TMEM204: variants seen among roughly 807,000 people sequenced by gnomAD.
TMEM204 encodes claudin-like protein 24.
In TMEM204, 15 loss-of-function variants were observed where a neutral mutation model predicts 19.4. The observed-to-expected ratio is 0.77, with a 90% CI of 0.52 to 1.19. The LOEUF (loss-of-function observed/expected upper bound fraction) is 1.19. Among genes scored for constraint, TMEM204 ranks in the 50% most tolerant of loss-of-function variants. TMEM204 has a pLI of 0.00. For synonymous variants in TMEM204, 161 were observed against 146.0 expected, an observed-to-expected ratio of 1.10 and a Z score of -0.74; for missense variants, 287 against 321.2, an observed-to-expected ratio of 0.89 and a Z score of 0.81.
upstream of TMEM204, among the ~76,000 whole-genome samples, chr16:1,530,133 C>CTTTTTT (rs922819138): frequency 1.9e-4 from 17 of 88,586 alleles, 1 homozygote; most frequent in African/African-American, 3.3e-4. Flanking sequence ...CGACGGGAAT[C>CTTTTTT]TTTTTTTTTT....
At chr16:1,552,518 A>G (rs755268224) in intron 2 of TMEM204, among the ~76,000 whole-genome samples, 2 of 152,098 alleles carry the variant, frequency 1.3e-5, no homozygotes, top group Admixed American at 6.6e-5. Flanking sequence ...TTCCTCACAC[A>G]CAACACAGGC....
intron 2 of TMEM204, among the ~76,000 whole-genome samples, chr16:1,542,890 T>C (rs1015486033): frequency 6.6e-6 from 1 of 152,344 alleles, no homozygotes; most frequent in South Asian, 2.1e-4. Flanking sequence ...TGAGAAGACC[T>C]GGCGTCATAG....
chr16:1,545,531 C>T (rs1024152780), intron 2 of TMEM204, among the ~76,000 whole-genome samples: 7 of 152,048 alleles, frequency 4.6e-5, no homozygotes, highest in South Asian at 4.1e-4. Flanking sequence ...TTCCTGTACT[C>T]GCGTCTGTTT....
chr16:1,531,222 C>T (rs2030453522), upstream of TMEM204: 1 of 152,232 alleles, frequency 6.6e-6, no homozygotes, highest in Admixed American at 6.5e-5. This position sits in a 1 kb window ranked among gnomAD's most constrained non-coding sequence, Gnocchi z 4.7. Flanking sequence ...TTCCTGTTGT[C>T]CCGGCCAGTC....
chr16:1,541,461 G>A (rs969244178), intron 1 of TMEM204: 32 of 985,394 alleles, frequency 3.2e-5, no homozygotes, highest in African/African-American at 1.9e-4. Flanking sequence ...AGGACAGCAC[G>A]CCTGAGGAGC....
At chr16:1,544,937 G>C (rs1056366238) in intron 2 of TMEM204, among the ~76,000 whole-genome samples, 14 of 152,254 alleles carry the variant, frequency 9.2e-5, no homozygotes, top group East Asian at 1.9e-4. Context: ...CGTGAGCCAC[G>C]GCACCCGGCC....
intron 2 of TMEM204, among the ~76,000 whole-genome samples, chr16:1,543,259 G>A (rs2031824214): frequency 6.6e-6 from 1 of 152,266 alleles, no homozygotes; most frequent in Non-Finnish European, 1.5e-5. Flanking sequence ...CAGAGGAAGT[G>A]GCAGGAAGTC....
In TMEM204 at chr16:1,553,180, C is replaced by G. The variant is rs990081114; in HGVS notation, c.437-1602C>G. On this transcript the variant is annotated intron_variant, in intron 2 of 2. Coordinates refer to ENST00000566264, the MANE Select transcript of TMEM204 (RefSeq NM_024600.6). The surrounding 1 kb of genome is among the most constrained non-coding windows in gnomAD (Gnocchi z 4.4). ...AGGCTGGTTACCCATCTCTTGCTCTCTGTCTCTCCTTCCCTGTGTCTCTGT... is the reference window on the plus strand; with the variant it reads ...AGGCTGGTTACCCATCTCTTGCTCTGTGTCTCTCCTTCCCTGTGTCTCTGT... The G allele has an allele frequency of 1.0e-6, 1 of 985,224 alleles. No homozygotes were observed. Among genetic ancestry groups the G allele is most frequent in the African/African-American group, 1.7e-5 (1 of 57,342 alleles). 61.0% of individuals were successfully genotyped at this position (985,224 alleles called of 1,614,324 possible). A position where few individuals can be genotyped will look rare whatever the true frequency, so the allele number is the denominator to read the frequency against.
At position 1,553,357 on chromosome 16, in the gene TMEM204, G is replaced by T; in HGVS notation, c.437-1425G>T. On this transcript the variant is annotated intron_variant, in intron 2 of 2. Coordinates refer to ENST00000566264, the MANE Select transcript of TMEM204 (RefSeq NM_024600.6). This position sits in a 1 kb window ranked among gnomAD's most constrained non-coding sequence, Gnocchi z 4.4. ...GTCTCTTTTTCTCCCATCCTCTCTC[G>T]ATGCTGGGGCCACACAGGGCAGGGC... is the stretch of plus-strand genomic sequence containing the variant. 7.1e-6 allele frequency: 7 copies of T among 985,234 alleles called. No homozygotes were observed. The highest frequency in any genetic ancestry group is 8.4e-6 in the Non-Finnish European group (7 of 829,910). 61.0% of individuals were successfully genotyped at this position (985,234 alleles called of 1,614,324 possible).
intron 1 of TMEM204, among the ~76,000 whole-genome samples, chr16:1,535,814 C>A (rs1567342140): frequency 6.6e-6 from 1 of 152,246 alleles, no homozygotes. Context: ...CCAGCAGGGA[C>A]CAACAGCCGT....
At chr16:1,547,237 G>T (rs138773716) in intron 2 of TMEM204, among the ~76,000 whole-genome samples, 3 of 152,318 alleles carry the variant, frequency 2.0e-5, no homozygotes, top group Non-Finnish European at 4.4e-5. Context: ...GCACCAGAAG[G>T]ACACTAGAAA....
intron 2 of TMEM204, 57 bp from the exon 3 acceptor site, chr16:1,554,725 G>A: frequency 6.3e-7 from 1 of 1,595,822 alleles, no homozygotes; most frequent in East Asian, 2.2e-5. Flanking sequence ...GGCTGGGGAA[G>A]GAGTGGAACC....
chr16:1,531,344 ACT>A (rs2030470636), upstream of TMEM204: 1 of 151,968 alleles, frequency 6.6e-6, no homozygotes, highest in Non-Finnish European at 1.5e-5. The surrounding 1 kb of genome is among the most constrained non-coding windows in gnomAD (Gnocchi z 4.7). Flanking sequence ...TGCCGAGACC[ACT>A]CTGTGTCAGG....
At position 1,553,652 on chromosome 16, in the gene TMEM204, T is replaced by C; in HGVS notation, c.437-1130T>C. On this transcript the variant is annotated intron_variant, in intron 2 of 2. Coordinates refer to ENST00000566264, the MANE Select transcript of TMEM204 (RefSeq NM_024600.6). This position sits in a 1 kb window ranked among gnomAD's most constrained non-coding sequence, Gnocchi z 4.4. ...GGTTACTGTAACAGAGAGGGAGGGG[T>C]GCTGGGTGGGCAGAAGCGGGGCTGG... is the stretch of plus-strand genomic sequence containing the variant. 9.5e-7 allele frequency: 1 copy of C among 1,048,610 alleles called. No homozygotes were observed. The highest frequency in any genetic ancestry group is 1.2e-6 in the Non-Finnish European group (1 of 865,858). 65.0% of individuals were successfully genotyped at this position (1,048,610 alleles called of 1,614,324 possible). A position where few individuals can be genotyped will look rare whatever the true frequency, so the allele number is the denominator to read the frequency against.
upstream of TMEM204, among the ~76,000 whole-genome samples, chr16:1,530,133 C>CTTTTTTTTTTTTTTTTTTTTTT (rs922819138): frequency 3.8e-4 from 34 of 88,582 alleles, 4 homozygotes; most frequent in African/African-American, 1.1e-3. Flanking sequence ...CGACGGGAAT[C>CTTTTTTTTTTTTTTTTTTTTTT]TTTTTTTTTT....
intron 1 of TMEM204, 68 bp downstream of exon 1, chr16:1,534,623 G>A (rs2030875421): frequency 3.1e-6 from 5 of 1,593,160 alleles, no homozygotes; most frequent in Non-Finnish European, 4.3e-6. Flanking sequence ...GAGATGTTAG[G>A]CGCGGACCTG....
At position 1,546,974 on chromosome 16, in the gene TMEM204, G is replaced by A. The variant is rs932499957; in HGVS notation, c.436+4898G>A. Among the ~76,000 whole-genome samples, 8 of 152,350 alleles carry A rather than the reference G, an allele frequency of 5.3e-5. No individual in the cohort carries two copies. In the South Asian group the frequency reaches 1.0e-3, roughly 20 times the overall value. ...AAGTCCCCGCCGTCCCCCAGTCGGTGCTCACATGACACTCTCTGCATCCGT... is the reference window on the plus strand; with the variant it reads ...AAGTCCCCGCCGTCCCCCAGTCGGTACTCACATGACACTCTCTGCATCCGT... On this transcript the variant is annotated intron_variant, in intron 2 of 2. Transcript: ENST00000566264.
chr16:1,555,092 C>A lies in TMEM204; in HGVS notation c.*66C>A. On this transcript the variant is annotated 3_prime_UTR_variant, in exon 3 of 3. Transcript: ENST00000566264. ...GTGGAACAGCCTAGAAACCAAGGGA[C>A]TCCACCACCAAGTCACTTCCCCTGC... The A allele has an allele frequency of 6.5e-7, 1 of 1,538,792 alleles. No homozygotes were observed. The highest frequency in any genetic ancestry group is 8.7e-7 in the Non-Finnish European group (1 of 1,146,388).
In TMEM204 at chr16:1,542,036, G is replaced by C. The variant is rs776217442; in HGVS notation, c.396G>C (p.Pro132=). 6.2e-7 allele frequency: 1 copy of C among 1,610,812 alleles called. No homozygotes were observed. The highest frequency in any genetic ancestry group is 8.5e-7 in the Non-Finnish European group (1 of 1,179,344). Residue 132 remains proline, a synonymous_variant, in exon 2 of 3, where the codon CCG becomes CCC. Transcript: ENST00000566264. ...TGCCCCTGCTGTCACCCGACGCCCC[G>C]TGCTGGGAGGAGGCCATGGCCGCTG... ...VGLPLLSPDA[P]CWEEAMAAAF...
Sources: gnomAD v4.1 joint callset for allele counts (sites outside exome capture counted in the v4.1 genomes callset) on GRCh38, gnomAD v4.1.1 for gene constraint, Gnocchi (gnomAD v3.1) non-coding constraint, MANE v1.5 for transcripts, NCBI Gene and HGNC (gene_info 2026-07-23, HGNC 2026-07-21) for gene names.